The following RAB22A variants were observed in gnomAD, a reference collection of about 807,000 sequenced individuals.
RAB22A encodes RAB22A, member RAS oncogene family.
RAB22A carries 13 observed loss-of-function variants against 30.2 expected under a neutral mutation model. The observed-to-expected ratio is 0.43, with a 90% CI of 0.28 to 0.68. The LOEUF is 0.68. RAB22A is among the 30% of genes least tolerant of loss of function. The probability of loss-of-function intolerance (pLI) is 0.18; values close to 1 mark genes in which losing one functional copy is unlikely to be tolerated. For synonymous variants in RAB22A, 89 were observed against 87.2 expected (o/e 1.02, Z -0.11); for missense variants, 177 against 246.8 (o/e 0.72, Z 1.89).
intron 3 of RAB22A, among the ~76,000 whole-genome samples, chr20:58,350,090 C>A (rs1192543455): frequency 6.6e-6 from 1 of 151,400 alleles, no homozygotes; most frequent in Admixed American, 6.6e-5. Flanking sequence ...GGCAAAAGCC[C>A]ATCTCTTAAG....
chr20:58,340,710 GA>G (rs1423895220), intron 2 of RAB22A, among the ~76,000 whole-genome samples: 1 of 152,056 alleles, frequency 6.6e-6, no homozygotes, highest in African/African-American at 2.4e-5. Flanking sequence ...ACTTTAAAAA[GA>G]AAAAAACATA....
chr20:58,334,096 C>A (rs1385870956), intron 2 of RAB22A, among the ~76,000 whole-genome samples: 1 of 151,938 alleles, frequency 6.6e-6, no homozygotes, highest in Middle Eastern at 3.4e-3. Context: ...TTTGGGAGGC[C>A]GAGGCAGGTG....
Position 58,339,619 on chromosome 20 carries a change from T to C in RAB22A, c.117-4099T>C, listed in dbSNP as rs7264483. Among the ~76,000 whole-genome samples, 396 of 152,272 alleles carry C rather than the reference T, an allele frequency of 2.6e-3. 1 individual carries two copies. Among genetic ancestry groups the C allele is most frequent in the African/African-American group, 9.1e-3 (378 of 41,554 alleles). The stretch of plus-strand genomic sequence containing the variant: ...AGAACCAGACAGCTCTACTTCAAAA[T>C]TGGATGCAAGTAACAAAGGACAAAG... On this transcript the variant is annotated intron_variant, in intron 2 of 6. Transcript: ENST00000244040.
chr20:58,323,982 ATTAG>A (rs749650691), intron 2 of RAB22A, among the ~76,000 whole-genome samples: 8 of 148,918 alleles, frequency 5.4e-5, no homozygotes, highest in Non-Finnish European at 8.8e-5. Context: ...ACTGGCTTTA[ATTAG>A]TTATTATTTT....
At position 58,354,397 on chromosome 20, in the gene RAB22A, A is replaced by C. The variant is rs1402454339; in HGVS notation, c.487+132A>C. 8 of 598,468 alleles carry C rather than the reference A, an allele frequency of 1.3e-5. No individual in the cohort carries two copies. In the South Asian group the frequency reaches 1.9e-4, roughly 14 times the overall value. The allele number at this position is 598,468 out of a possible 1,614,324, so 37.1% of individuals were successfully genotyped here. On this transcript the variant is annotated intron_variant, in intron 6 of 6. Transcript: ENST00000244040. Reference sequence around the variant, plus strand: ...ATTGTGATCAGTGAAATGAAGTTGGAGAAGGTAAGAGTAATGTCCAGTTTT... The same window carrying C: ...ATTGTGATCAGTGAAATGAAGTTGGCGAAGGTAAGAGTAATGTCCAGTTTT...
chr20:58,334,366 G>T (rs1451859356), intron 2 of RAB22A, among the ~76,000 whole-genome samples: 1 of 151,692 alleles, frequency 6.6e-6, no homozygotes, highest in Non-Finnish European at 1.5e-5. Flanking sequence ...TTTTTAAGAA[G>T]CTGAATACTG....
rs937584491 is a variant in RAB22A, at chr20:58,363,575, G to A, written c.*3872G>A. On this transcript the variant is annotated 3_prime_UTR_variant, in exon 7 of 7. Coordinates refer to ENST00000244040, the MANE Select transcript of RAB22A (RefSeq NM_020673.3). ...TGTTCCTTCTAACTCTGTAATGAAA[G>A]TTCAGTGACAAACTAGATAGTGAAC... 1.3e-5 allele frequency: 2 copies of A among 152,134 alleles called. No homozygotes were observed. Among genetic ancestry groups the A allele is most frequent in the African/African-American group, 2.4e-5 (1 of 41,414 alleles). 9.4% of individuals were successfully genotyped at this position (152,134 alleles called of 1,614,324 possible).
rs1357750682 is a variant in RAB22A, at chr20:58,363,282, T to C, written c.*3579T>C. Reference sequence around the variant, plus strand: ...GAATTCTTTTTGGTACTTTCACTTATTCTTTCAGAATACATCAAGGATGTG... The same window carrying C: ...GAATTCTTTTTGGTACTTTCACTTACTCTTTCAGAATACATCAAGGATGTG... On this transcript the variant is annotated 3_prime_UTR_variant, in exon 7 of 7. Transcript: ENST00000244040. The C allele has an allele frequency of 1.3e-5, 2 of 152,340 alleles. No individual in the cohort carries two copies. Among genetic ancestry groups the C allele is most frequent in the East Asian group, 3.9e-4 (2 of 5,192 alleles). The allele number at this position is 152,340 out of a possible 1,614,324, so 9.4% of individuals were successfully genotyped here.
chr20:58,310,122 T>C, intron 1 of RAB22A, 110 bp downstream of exon 1: 1 of 1,041,260 alleles, frequency 9.6e-7, no homozygotes, highest in Non-Finnish European at 1.2e-6. Context: ...CAAGACGCTG[T>C]CTGCCAGCCC....
intron 2 of RAB22A, among the ~76,000 whole-genome samples, chr20:58,330,258 G>A (rs552751549): frequency 7.4e-4 from 112 of 152,236 alleles, no homozygotes; most frequent in Middle Eastern, 3.4e-3. Flanking sequence ...TTTTCCCCCA[G>A]TATTTAGATA....
At chr20:58,335,411 C>T (rs1047667828) in intron 2 of RAB22A, among the ~76,000 whole-genome samples, 3 of 151,930 alleles carry the variant, frequency 2.0e-5, no homozygotes, top group African/African-American at 2.4e-5. Context: ...CATCATGGTG[C>T]AGGTACTCAA....
intron 2 of RAB22A, among the ~76,000 whole-genome samples, chr20:58,335,478 C>A (rs999938624): frequency 2.0e-5 from 3 of 152,036 alleles, no homozygotes; most frequent in Non-Finnish European, 4.4e-5. Flanking sequence ...GTTGGATGAT[C>A]TCCTAGGTAT....
At position 58,316,132 on chromosome 20, in the gene RAB22A, T is replaced by G. The variant is rs376739610; in HGVS notation, c.116+5010T>G. ...TTGTCTGTGCAAACTCAGGTACATG[T>G]TAGTGGCTCTAAAAGTTGCAGACTC... On this transcript the variant is annotated intron_variant, in intron 2 of 6. Coordinates refer to ENST00000244040, the MANE Select transcript of RAB22A (RefSeq NM_020673.3). Among the ~76,000 whole-genome samples the G allele has an allele frequency of 1.1e-4, 17 of 152,282 alleles. No homozygotes were observed. In the South Asian group the frequency reaches 1.7e-3, roughly 15 times the overall value.
At chr20:58,344,788 G>T (rs1444406067) in intron 3 of RAB22A, among the ~76,000 whole-genome samples, 2 of 152,198 alleles carry the variant, frequency 1.3e-5, no homozygotes, top group African/African-American at 4.8e-5. Context: ...AACAAAACAA[G>T]CCATTACTGT....
chr20:58,365,725 G>C lies in RAB22A; in HGVS notation c.*6022G>C, dbSNP rs774691124. The C allele has an allele frequency of 6.6e-6, 1 of 152,128 alleles. No individual in the cohort carries two copies. Among genetic ancestry groups the C allele is most frequent in the Admixed American group, 6.6e-5 (1 of 15,222 alleles). The allele number at this position is 152,128 out of a possible 1,614,324, so 9.4% of individuals were successfully genotyped here. A position where few individuals can be genotyped will look rare whatever the true frequency, so the allele number is the denominator to read the frequency against. On this transcript the variant is annotated 3_prime_UTR_variant, in exon 7 of 7. Transcript: ENST00000244040. ...CACCCAGGCTGGAGTGTAAGGGCGCGATCTCGGCTCACTGCAACCTCCGCC... is the reference window on the plus strand; with the variant it reads ...CACCCAGGCTGGAGTGTAAGGGCGCCATCTCGGCTCACTGCAACCTCCGCC...
chr20:58,331,900 A>C (rs1037585345), intron 2 of RAB22A, among the ~76,000 whole-genome samples: 2 of 152,172 alleles, frequency 1.3e-5, no homozygotes, highest in African/African-American at 2.4e-5. Flanking sequence ...GGGACTCCAC[A>C]TATCTACCAC....
intron 6 of RAB22A, among the ~76,000 whole-genome samples, chr20:58,357,881 C>G (rs1986619361): frequency 6.6e-6 from 1 of 152,158 alleles, no homozygotes; most frequent in Admixed American, 6.5e-5. Context: ...GCCATCTTAG[C>G]CTTGTTAATG....
chr20:58,353,912 G>A (rs113719600), intron 5 of RAB22A, among the ~76,000 whole-genome samples: 107 of 152,268 alleles, frequency 7.0e-4, no homozygotes, highest in Middle Eastern at 3.4e-3. Flanking sequence ...ATTTTGGCTG[G>A]GGAAGAAAAC....
chr20:58,350,807 G>A (rs1987035157), intron 3 of RAB22A, among the ~76,000 whole-genome samples: 1 of 152,104 alleles, frequency 6.6e-6, no homozygotes, highest in Admixed American at 6.5e-5. Flanking sequence ...AGATCCATAG[G>A]AAGAAATAAT....
Sources: gnomAD v4.1 joint callset for allele counts (sites outside exome capture counted in the v4.1 genomes callset) on GRCh38, gnomAD v4.1.1 for gene constraint, MANE v1.5 for transcripts, NCBI Gene and HGNC (gene_info 2026-07-23, HGNC 2026-07-21) for gene names.